IMPA1: variants seen among roughly 807,000 people sequenced by gnomAD.
The protein encoded by IMPA1 is D-galactose 1-phosphate phosphatase.
A neutral mutation model predicts 34.9 loss-of-function variants in IMPA1; 21 were observed. The observed-to-expected ratio is 0.60, with a 90% CI of 0.43 to 0.87. The LOEUF (loss-of-function observed/expected upper bound fraction) is 0.87. IMPA1 is among the 40% of genes least tolerant of loss of function. The pLI, the probability that IMPA1 is intolerant of heterozygous loss-of-function variation, is 0.00. For missense variants in IMPA1, 299 were observed against 336.4 expected, an observed-to-expected ratio of 0.89 and a Z score of 0.87; for synonymous variants, 95 against 104.4, an observed-to-expected ratio of 0.91 and a Z score of 0.55.
intron 4 of IMPA1, chr8:81,678,659 C>G (rs1486001330): frequency 5.3e-6 from 1 of 188,016 alleles, no homozygotes; most frequent in African/African-American, 2.4e-5. Context: ...GCCATTGCAT[C>G]TCAGCCTGGC....
chr8:81,680,710 G>A lies in IMPA1; in HGVS notation c.137C>T (p.Thr46Met), dbSNP rs61755741. 27 of 1,612,112 alleles carry A rather than the reference G, an allele frequency of 1.7e-5. No homozygotes were observed. The highest frequency in any genetic ancestry group is 2.2e-5 in the East Asian group (1 of 44,850). ...KSSPVDLVTA[T>M]DQKVEKMLIS... is the part of the protein sequence containing the mutation. ...AAGCATTTTTTCAACTTTTTGGTCC[G>A]TAGCAGTTACCAAATCAACTGGAGA... The change falls in exon 3 of 9, where the codon ACG (threonine) becomes ATG (methionine). Residue 46 changes from threonine to methionine, a missense_variant. Physicochemically the swap from Thr to Met is moderately conservative, Grantham distance 81 (BLOSUM62 -1). Transcript: ENST00000256108.
chr8:81,662,597 T>C (rs1806711157), intron 7 of IMPA1, among the ~76,000 whole-genome samples: 2 of 152,234 alleles, frequency 1.3e-5, no homozygotes, highest in Admixed American at 1.3e-4. Flanking sequence ...CCTATGCAGC[T>C]AACATGGCAC....
At chr8:81,661,840 C>T (rs204796) in intron 7 of IMPA1, among the ~76,000 whole-genome samples, 1 of 152,198 alleles carries the variant, frequency 6.6e-6, no homozygotes, top group Non-Finnish European at 1.5e-5. Flanking sequence ...GTCATCATGT[C>T]TACAAGTTAC....
intron 7 of IMPA1, among the ~76,000 whole-genome samples, chr8:81,664,016 C>T (rs745534814): frequency 2.6e-5 from 4 of 151,520 alleles, no homozygotes; most frequent in African/African-American, 7.3e-5. Context: ...TCCAGCCTGG[C>T]GACAGAGACT....
At chr8:81,669,899 A>C (rs1446873852) in intron 7 of IMPA1, among the ~76,000 whole-genome samples, 1 of 152,212 alleles carries the variant, frequency 6.6e-6, no homozygotes, top group East Asian at 1.9e-4. Context: ...TTAATAGATT[A>C]ATGAGTCATC....
At chr8:81,662,035 C>T (rs1806695902) in intron 7 of IMPA1, among the ~76,000 whole-genome samples, 1 of 152,084 alleles carries the variant, frequency 6.6e-6, no homozygotes, top group Non-Finnish European at 1.5e-5. Flanking sequence ...TAAGTACATC[C>T]TTTATGCCAA....
At chr8:81,681,721 T>C in intron 1 of IMPA1, 137 bp from the exon 2 acceptor site, 1 of 580,898 alleles carries the variant, frequency 1.7e-6, no homozygotes. Flanking sequence ...TTTATGCCTA[T>C]ACCCAGTAAA....
intron 8 of IMPA1, 41 bp downstream of exon 8, chr8:81,660,475 A>T (rs761834740): frequency 1.3e-6 from 2 of 1,589,784 alleles, no homozygotes; most frequent in South Asian, 2.2e-5. Flanking sequence ...ACAAAAGTCC[A>T]ACAGATGTGT....
intron 7 of IMPA1, among the ~76,000 whole-genome samples, chr8:81,660,999 T>G (rs1431489014): frequency 6.6e-6 from 1 of 152,194 alleles, no homozygotes; most frequent in Non-Finnish European, 1.5e-5. Flanking sequence ...TACTAAAGCT[T>G]ATATTATTTT....
At chr8:81,684,342 T>C (rs1807403770) in intron 1 of IMPA1, among the ~76,000 whole-genome samples, 1 of 145,644 alleles carries the variant, frequency 6.9e-6, no homozygotes, top group Non-Finnish European at 1.5e-5. Flanking sequence ...ATACTATATA[T>C]AGTATATATA....
At chr8:81,668,755 C>T (rs201018812) in intron 7 of IMPA1, among the ~76,000 whole-genome samples, 1 of 130,082 alleles carries the variant, frequency 7.7e-6, no homozygotes, top group African/African-American at 3.3e-5. Flanking sequence ...TACAAGGGAG[C>T]CAGGTGTTAC....
rs757399587 is a variant in IMPA1, at chr8:81,676,258, T to C, written c.324A>G (p.Ser108=). ...FVHRFPFVAV[S]IGFAVNKKIE... is the part of the protein sequence containing the mutation. ...CCTTTTTATTTACAGCAAAGCCAAT[T>C]GAAACAGCTACAAAAGGAAATCTTT... Residue 108 remains serine, a synonymous_variant, in exon 5 of 9, where the codon TCA becomes TCG. Coordinates refer to ENST00000256108, the MANE Select transcript of IMPA1 (RefSeq NM_005536.4). 3 of 1,354,044 alleles carry C rather than the reference T, an allele frequency of 2.2e-6. No homozygotes were observed. The highest frequency in any genetic ancestry group is 1.4e-5 in the South Asian group (1 of 69,228). The allele number at this position is 1,354,044 out of a possible 1,614,324, so 83.9% of individuals were successfully genotyped here.
intron 3 of IMPA1, 33 bp downstream of exon 3, chr8:81,680,617 T>A: frequency 6.6e-7 from 1 of 1,521,092 alleles, no homozygotes; most frequent in Non-Finnish European, 9.1e-7. Context: ...GGTGAGATAA[T>A]AAACATTTCT....
chr8:81,658,823 T>C lies in IMPA1; in HGVS notation c.*528A>G, dbSNP rs772146429. 1 of 152,592 alleles carries C rather than the reference T, an allele frequency of 6.6e-6. No homozygotes were observed. Among genetic ancestry groups the C allele is most frequent in the Non-Finnish European group, 1.5e-5 (1 of 68,224 alleles). The allele number at this position is 152,592 out of a possible 1,614,324, so 9.5% of individuals were successfully genotyped here. ...TATTCATTCTTACAATGTTTGTTTT[T>C]AGTTGCCTAGATATGTAATGGGCCA... On this transcript the variant is annotated 3_prime_UTR_variant, in exon 9 of 9. Coordinates refer to ENST00000256108, the MANE Select transcript of IMPA1 (RefSeq NM_005536.4).
intron 7 of IMPA1, 113 bp from the exon 8 acceptor site, chr8:81,660,780 A>C: frequency 2.9e-6 from 2 of 679,022 alleles, no homozygotes; most frequent in Non-Finnish European, 4.6e-6. Context: ...GATCTAGAGG[A>C]TAAAGATTTT....
At chr8:81,680,122 G>A (rs374059897) in intron 3 of IMPA1, among the ~76,000 whole-genome samples, 3 of 138,530 alleles carry the variant, frequency 2.2e-5, no homozygotes, top group Non-Finnish European at 3.0e-5. Flanking sequence ...CTGACAGAGC[G>A]TGTCTCCGTC....
intron 4 of IMPA1, 122 bp downstream of exon 4, chr8:81,679,004 G>T: frequency 1.6e-6 from 1 of 615,830 alleles, no homozygotes; most frequent in Non-Finnish European, 2.9e-6. Context: ...TACTTTATTA[G>T]AATAAAGAAG....
chr8:81,682,632 C>CT (rs145337231), intron 1 of IMPA1, among the ~76,000 whole-genome samples: 5 of 150,118 alleles, frequency 3.3e-5, no homozygotes, highest in Non-Finnish European at 4.5e-5. Flanking sequence ...TGTTTCCAAA[C>CT]TTTTTTTTTT....
chr8:81,678,637 A>G, intron 4 of IMPA1: 3 of 192,386 alleles, frequency 1.6e-5, no homozygotes, highest in South Asian at 1.4e-4. Context: ...GGTTGCAGTG[A>G]GCCAAGACTG....
Sources: allele counts gnomAD v4.1 joint callset (sites outside exome capture counted in the v4.1 genomes callset), GRCh38; gene constraint gnomAD v4.1.1; transcripts MANE v1.5; gene names NCBI Gene and HGNC (gene_info 2026-07-23, HGNC 2026-07-21).